DNAJB6: variants seen among roughly 807,000 people sequenced by gnomAD.
DNAJB6 encodes DnaJ heat shock protein family (Hsp40) member B6.
In DNAJB6, 16 loss-of-function variants were observed where a neutral mutation model predicts 42.7. That is an observed-to-expected ratio of 0.37 (90% CI 0.25 to 0.57). The LOEUF (loss-of-function observed/expected upper bound fraction) is 0.57. DNAJB6 is among the 20% of genes least tolerant of loss of function. The pLI, the probability that DNAJB6 is intolerant of heterozygous loss-of-function variation, is 0.74. For synonymous variants in DNAJB6, 170 were observed against 163.5 expected, an observed-to-expected ratio of 1.04 and a Z score of -0.30; for missense variants, 347 against 416.8, an observed-to-expected ratio of 0.83 and a Z score of 1.46.
Position 157,370,401 on chromosome 7 carries a change from A to G in DNAJB6, c.346+2918A>G, listed in dbSNP as rs546804346. Among the ~76,000 whole-genome samples the G allele has an allele frequency of 3.3e-4, 50 of 152,326 alleles. 1 individual carries two copies. The highest frequency in any genetic ancestry group is 1.2e-3 in the African/African-American group (48 of 41,568). On this transcript the variant is annotated intron_variant, in intron 5 of 9. Coordinates refer to ENST00000262177, the MANE Select transcript of DNAJB6 (RefSeq NM_058246.4). ...ACAGGACCTTCTTAACATTATTATT[A>G]AATGGGCCCTTTCTTAACATTATGA...
intron 4 of DNAJB6, 33 bp downstream of exon 4, chr7:157,366,594 A>G (rs766854637): frequency 1.3e-6 from 2 of 1,593,384 alleles, no homozygotes; most frequent in South Asian, 2.2e-5. Flanking sequence ...TGAAGACAAA[A>G]GGTCTTGGCA....
intron 8 of DNAJB6, among the ~76,000 whole-genome samples, chr7:157,392,198 ACTGT>A (rs370831546): frequency 8.6e-5 from 13 of 151,686 alleles, no homozygotes; most frequent in East Asian, 7.7e-4. Context: ...GCTTGCTAGT[ACTGT>A]CTGTCAACAG....
At chr7:157,367,565 A>G in intron 5 of DNAJB6, 82 bp downstream of exon 5, 1 of 915,964 alleles carries the variant, frequency 1.1e-6, no homozygotes, top group Non-Finnish European at 1.8e-6. Flanking sequence ...CTGTTGAATT[A>G]ACATTGTATT....
chr7:157,339,174 C>G (rs897940459), intron 1 of DNAJB6, among the ~76,000 whole-genome samples: 4 of 151,390 alleles, frequency 2.6e-5, no homozygotes, highest in African/African-American at 9.7e-5. Context: ...CCGTAATTCC[C>G]TTCTATTAAC....
chr7:157,409,605 C>T (rs541747315), intron 8 of DNAJB6, among the ~76,000 whole-genome samples, 190 bp from the exon 9 acceptor site: 5 of 152,308 alleles, frequency 3.3e-5, no homozygotes, highest in Admixed American at 3.3e-4. Context: ...TCACTTTTTT[C>T]CCACTCTTGG....
At chr7:157,353,166 A>G (rs1043359716) in intron 1 of DNAJB6, among the ~76,000 whole-genome samples, 1 of 151,628 alleles carries the variant, frequency 6.6e-6, no homozygotes, top group Non-Finnish European at 1.5e-5. Context: ...GGGCTCATGC[A>G]GTTTGTCCGC....
chr7:157,386,883 C>T (rs1471775429), intron 8 of DNAJB6, among the ~76,000 whole-genome samples: 1 of 132,914 alleles, frequency 7.5e-6, no homozygotes, highest in African/African-American at 2.7e-5. Context: ...GCCTTCATCT[C>T]AAAAAAAAAA....
At chr7:157,360,279 C>T (rs924334507) in intron 2 of DNAJB6, among the ~76,000 whole-genome samples, 2 of 152,118 alleles carry the variant, frequency 1.3e-5, no homozygotes, top group African/African-American at 2.4e-5. Flanking sequence ...CCTTATAAAC[C>T]CATCAGGTCT....
In DNAJB6 at chr7:157,416,142, C is replaced by T. The variant is rs1390163861; in HGVS notation, c.*44C>T. ...GGTGCACCCCCAGACGCTGGCGCTC[C>T]ACCGTGCTCGGCATGCGGTCGTGCA... On this transcript the variant is annotated 3_prime_UTR_variant, in exon 10 of 10. Coordinates refer to ENST00000262177, the MANE Select transcript of DNAJB6 (RefSeq NM_058246.4). 3 of 1,596,388 alleles carry T rather than the reference C, an allele frequency of 1.9e-6. No homozygotes were observed. In the East Asian group the frequency reaches 6.8e-5, roughly 36 times the overall value.
At chr7:157,406,987 C>T (rs1403877820) in intron 8 of DNAJB6, among the ~76,000 whole-genome samples, 3 of 152,356 alleles carry the variant, frequency 2.0e-5, no homozygotes, top group Admixed American at 2.0e-4. Context: ...TGGCCCTCCC[C>T]AGGCGATGGC....
chr7:157,338,473 A>C (rs1222986012), intron 1 of DNAJB6, among the ~76,000 whole-genome samples: 1 of 152,042 alleles, frequency 6.6e-6, no homozygotes, highest in African/African-American at 2.4e-5. Context: ...AGCTGGGGTT[A>C]CGGGTGCTCG....
chr7:157,392,127 T>C (rs1348210488), intron 8 of DNAJB6, among the ~76,000 whole-genome samples: 1 of 147,154 alleles, frequency 6.8e-6, no homozygotes, highest in Non-Finnish European at 1.5e-5. Context: ...AGGATAGTCA[T>C]AAATGATTTC....
intron 2 of DNAJB6, among the ~76,000 whole-genome samples, chr7:157,360,284 A>G (rs543915672): frequency 6.6e-6 from 1 of 152,178 alleles, no homozygotes; most frequent in East Asian, 1.9e-4. Flanking sequence ...TAAACCCATC[A>G]GGTCTTGTGA....
intron 1 of DNAJB6, among the ~76,000 whole-genome samples, chr7:157,343,487 G>C (rs79774831): frequency 6.6e-6 from 1 of 150,386 alleles, no homozygotes; most frequent in Admixed American, 6.6e-5. Flanking sequence ...ATTTTTTTTT[G>C]AGATGGAGTC....
At chr7:157,346,328 A>G (rs1798685229) in intron 1 of DNAJB6, among the ~76,000 whole-genome samples, 2 of 151,692 alleles carry the variant, frequency 1.3e-5, no homozygotes, top group African/African-American at 2.4e-5. Context: ...AAAAAAAAAA[A>G]AAAAAAAAAG....
At chr7:157,415,978 C>A (rs1216997072) in intron 9 of DNAJB6, 38 bp from the exon 10 acceptor site, 18 of 1,613,740 alleles carry the variant, frequency 1.1e-5, no homozygotes, top group Non-Finnish European at 1.5e-5. Context: ...GGAAGCAGTG[C>A]TGTTCCGTAC....
chr7:157,407,105 G>C (rs533150253), intron 8 of DNAJB6, among the ~76,000 whole-genome samples: 2 of 152,366 alleles, frequency 1.3e-5, no homozygotes, highest in East Asian at 3.9e-4. Flanking sequence ...GAGGTGGGGG[G>C]GGTCCCAACC....
chr7:157,353,617 G>GTGTGTGTGTA (rs1198571441), intron 1 of DNAJB6, among the ~76,000 whole-genome samples: 2 of 149,808 alleles, frequency 1.3e-5, no homozygotes, highest in African/African-American at 4.9e-5. Context: ...GTGTGTGTGT[G>GTGTGTGTGTA]TGTGTATGTA....
At chr7:157,409,699 A>G in intron 8 of DNAJB6, 96 bp from the exon 9 acceptor site, 2 of 1,339,200 alleles carry the variant, frequency 1.5e-6, no homozygotes. Flanking sequence ...GTCTGGATTC[A>G]GGGAGATCGT....
Sources: gnomAD v4.1 joint callset for allele counts (sites outside exome capture counted in the v4.1 genomes callset) on GRCh38, gnomAD v4.1.1 for gene constraint, MANE v1.5 for transcripts, NCBI Gene and HGNC (gene_info 2026-07-23, HGNC 2026-07-21) for gene names.